ABTB2: variants seen among roughly 807,000 people sequenced by gnomAD.
The protein encoded by ABTB2 is ankyrin repeat and BTB domain containing 2, also known as ankyrin repeat and BTB/POZ domain-containing protein 2.
ABTB2 carries 56 observed loss-of-function variants against 104.1 expected under a neutral mutation model. The ratio of observed to expected loss-of-function variants is 0.54; its 90% confidence interval spans 0.43 to 0.67. The LOEUF (loss-of-function observed/expected upper bound fraction) is 0.67. ABTB2 is among the 30% of genes least tolerant of loss of function. The probability of loss-of-function intolerance (pLI) is 0.00; values close to 1 mark genes in which losing one functional copy is unlikely to be tolerated. For missense variants in ABTB2, 1,279 were observed against 1,407.7 expected, an observed-to-expected ratio of 0.91 and a Z score of 1.46; for synonymous variants, 606 against 608.2, an observed-to-expected ratio of 1.00 and a Z score of 0.05.
chr11:34,336,477 T>C (rs1855194084), intron 1 of ABTB2, among the ~76,000 whole-genome samples: 2 of 151,998 alleles, frequency 1.3e-5, no homozygotes, highest in South Asian at 2.1e-4. Flanking sequence ...CTTATCTCTA[T>C]AAAAAATTTT....
At chr11:34,256,263 C>T (rs1590231929) in intron 1 of ABTB2, among the ~76,000 whole-genome samples, 1 of 152,182 alleles carries the variant, frequency 6.6e-6, no homozygotes, top group African/African-American at 2.4e-5. Flanking sequence ...AAATAAACCA[C>T]TGGCCCAGCC....
At chr11:34,292,621 G>A (rs1444664972) in intron 1 of ABTB2, among the ~76,000 whole-genome samples, 4 of 152,224 alleles carry the variant, frequency 2.6e-5, no homozygotes, top group African/African-American at 9.7e-5. Flanking sequence ...ATTCTAGTGG[G>A]TGGAAGATGG....
chr11:34,342,484 TG>T (rs1183037883), intron 1 of ABTB2, among the ~76,000 whole-genome samples: 6 of 152,180 alleles, frequency 3.9e-5, no homozygotes, highest in African/African-American at 1.4e-4. Flanking sequence ...ACAGGGCAAA[TG>T]AGGACTTCAG....
intron 1 of ABTB2, among the ~76,000 whole-genome samples, chr11:34,273,820 A>T (rs1054914068): frequency 1.3e-5 from 2 of 152,156 alleles, no homozygotes; most frequent in Non-Finnish European, 2.9e-5. Context: ...GGAGGGAAGG[A>T]ATAACAATAA....
chr11:34,298,867 T>A (rs1854661484), intron 1 of ABTB2, among the ~76,000 whole-genome samples: 1 of 152,226 alleles, frequency 6.6e-6, no homozygotes, highest in Non-Finnish European at 1.5e-5. Context: ...TATGAACAAC[T>A]GGGCCTGCAT....
intron 1 of ABTB2, among the ~76,000 whole-genome samples, chr11:34,205,734 C>T (rs2957505): frequency 0.93 from 141,884 of 152,264 alleles, 66,959 homozygotes; most frequent in East Asian, 1. Flanking sequence ...TCCCTAAACA[C>T]GTGTGATGTA....
intron 14 of ABTB2, among the ~76,000 whole-genome samples, chr11:34,156,711 A>G (rs1247728109): frequency 6.6e-6 from 1 of 151,936 alleles, no homozygotes; most frequent in African/African-American, 2.4e-5. Context: ...TTTAGTAGAG[A>G]TACGGTTTCT....
chr11:34,229,814 G>A (rs996929727), intron 1 of ABTB2, among the ~76,000 whole-genome samples: 4 of 152,110 alleles, frequency 2.6e-5, no homozygotes, highest in Non-Finnish European at 5.9e-5. Flanking sequence ...GTTAAATATT[G>A]TTCATATATT....
rs1178577668 is a variant in ABTB2 at position 34,160,024 on chromosome 11, A to C, written c.2504-16T>G. 1.0e-5 allele frequency: 16 copies of C among 1,598,298 alleles called. No homozygotes were observed. The highest frequency in any genetic ancestry group is 1.4e-5 in the Non-Finnish European group (16 of 1,166,488). ...AAGTGTGGATCTGTGAAAAGCGGGGAGACAGAGGGATATGGCTGAGGAGTC... is the reference window on the plus strand; with the variant it reads ...AAGTGTGGATCTGTGAAAAGCGGGGCGACAGAGGGATATGGCTGAGGAGTC... On this transcript the variant is annotated splice_polypyrimidine_tract_variant and intron_variant, in intron 12 of 16. Transcript: ENST00000435224.
intron 1 of ABTB2, among the ~76,000 whole-genome samples, chr11:34,239,094 G>T (rs1451309129): frequency 6.6e-6 from 1 of 152,124 alleles, no homozygotes; most frequent in Non-Finnish European, 1.5e-5. Flanking sequence ...TTCCCTGCTG[G>T]ATTAGAAGCT....
chr11:34,206,203 T>C (rs983069459), intron 1 of ABTB2, among the ~76,000 whole-genome samples: 1 of 152,044 alleles, frequency 6.6e-6, no homozygotes, highest in Non-Finnish European at 1.5e-5. Context: ...CTATTAAAAA[T>C]ACAAAAATTA....
chr11:34,345,668 C>G (rs1855322332), intron 1 of ABTB2, among the ~76,000 whole-genome samples: 1 of 152,162 alleles, frequency 6.6e-6, no homozygotes, highest in African/African-American at 2.4e-5. Flanking sequence ...CCCCTGAGGC[C>G]TTCTCACCTG....
intron 7 of ABTB2, 128 bp downstream of exon 7, chr11:34,167,131 G>T: frequency 1.2e-6 from 1 of 825,600 alleles, no homozygotes; most frequent in Non-Finnish European, 1.9e-6. Flanking sequence ...AGGTGAGCTG[G>T]CCTCAAGCAG....
chr11:34,293,828 G>A (rs1021702634), intron 1 of ABTB2, among the ~76,000 whole-genome samples: 19 of 152,142 alleles, frequency 1.2e-4, no homozygotes, highest in African/African-American at 4.6e-4. Flanking sequence ...GGGTTCAAGC[G>A]ATTCTCCTGC....
intron 1 of ABTB2, among the ~76,000 whole-genome samples, chr11:34,322,059 C>G (rs1855011731): frequency 6.6e-6 from 1 of 152,180 alleles, no homozygotes; most frequent in Non-Finnish European, 1.5e-5. Context: ...GGGAAATAAC[C>G]TGACAGTATT....
At chr11:34,161,746 G>A (rs1168848201) in intron 10 of ABTB2, among the ~76,000 whole-genome samples, 1 of 152,184 alleles carries the variant, frequency 6.6e-6, no homozygotes, top group Non-Finnish European at 1.5e-5. Flanking sequence ...CCTGTCCCTG[G>A]TAATTAGAGA....
Position 34,244,955 on chromosome 11 carries a change from C to T in ABTB2, c.884-40265G>A, listed in dbSNP as rs149447836. 1.2e-4 allele frequency among the ~76,000 whole-genome samples: 19 copies of T among 152,150 alleles called. No individual in the cohort carries two copies. The East Asian group carries it at 2.9e-3, about 23-fold the overall frequency. On this transcript the variant is annotated intron_variant, in intron 1 of 16. Transcript: ENST00000435224. The stretch of plus-strand genomic sequence containing the variant: ...CCCGGGAAGTCAAGGCTGGATTAAG[C>T]AGAGATCACGCCAGTGCACTCCAGT...
intron 9 of ABTB2, among the ~76,000 whole-genome samples, chr11:34,163,689 C>CCCGAGGTGCCCTT (rs2133008467): frequency 6.6e-6 from 1 of 152,330 alleles, no homozygotes; most frequent in South Asian, 2.1e-4. Flanking sequence ...CTTCCAAGGA[C>CCCGAGGTGCCCTT]CCAAGGTCCC....
intron 1 of ABTB2, among the ~76,000 whole-genome samples, chr11:34,266,459 C>T (rs1854251594): frequency 2.0e-5 from 3 of 152,126 alleles, no homozygotes; most frequent in African/African-American, 4.8e-5. Flanking sequence ...CAGAGCTGGC[C>T]GATCAGACCA....
Sources: gnomAD v4.1 joint callset for allele counts (sites outside exome capture counted in the v4.1 genomes callset) on GRCh38, gnomAD v4.1.1 for gene constraint, MANE v1.5 for transcripts, NCBI Gene and HGNC (gene_info 2026-07-23, HGNC 2026-07-21) for gene names.